TERF1: variants seen among roughly 807,000 people sequenced by gnomAD.
TERF1 encodes the protein telomeric repeat binding factor 1, also known as telomeric repeat-binding factor 1.
A neutral mutation model predicts 55.1 loss-of-function variants in TERF1; 20 were observed. The ratio of observed to expected loss-of-function variants is 0.36; its 90% CI spans 0.26 to 0.53. The LOEUF is 0.53. TERF1 is among the 20% of genes least tolerant of loss of function. The pLI is 0.91. For missense variants in TERF1, 439 were observed against 535.7 expected, an observed-to-expected ratio of 0.82 and a Z score of 1.78; for synonymous variants, 168 against 181.2, an observed-to-expected ratio of 0.93 and a Z score of 0.59.
At chr8:73,035,451 C>A (rs1257155360) in intron 8 of TERF1, among the ~76,000 whole-genome samples, 1 of 151,008 alleles carries the variant, frequency 6.6e-6, no homozygotes, top group African/African-American at 2.4e-5. Flanking sequence ...TGTTTTATGG[C>A]CCACAGTATG....
chr8:73,024,749 AAT>A, intron 4 of TERF1, 71 bp from the exon 5 acceptor site: 2 of 1,077,920 alleles, frequency 1.9e-6, no homozygotes, highest in South Asian at 1.6e-5. Flanking sequence ...TCAATTAAAT[AAT>A]ATGTGACAAA....
intron 2 of TERF1, among the ~76,000 whole-genome samples, chr8:73,018,465 C>G (rs55734946): frequency 0.016 from 2,380 of 152,186 alleles, 59 homozygotes; most frequent in African/African-American, 0.055. Context: ...CACCTGAGGT[C>G]AGGAGTTCGA....
chr8:73,031,808 C>A (rs767251582), intron 7 of TERF1: 1 of 319,696 alleles, frequency 3.1e-6, no homozygotes, highest in Non-Finnish European at 5.7e-6. Context: ...TCTGAGACAT[C>A]AAAAAACATC....
At chr8:73,016,639 G>T (rs1808518322) in intron 2 of TERF1, among the ~76,000 whole-genome samples, 1 of 151,870 alleles carries the variant, frequency 6.6e-6, no homozygotes, top group African/African-American at 2.4e-5. Flanking sequence ...TGTTGTCCAG[G>T]CTGGTCTTGA....
intron 6 of TERF1, among the ~76,000 whole-genome samples, chr8:73,027,263 A>C (rs1809051837): frequency 6.6e-6 from 1 of 152,230 alleles, no homozygotes; most frequent in South Asian, 2.1e-4. Flanking sequence ...AAAATATTAC[A>C]GTTTAAATAA....
At chr8:73,014,998 A>G (rs1047143036) in intron 2 of TERF1, among the ~76,000 whole-genome samples, 1 of 152,266 alleles carries the variant, frequency 6.6e-6, no homozygotes, top group African/African-American at 2.4e-5. Flanking sequence ...TGTTGTTAAC[A>G]GGGTTGTTTT....
At chr8:73,032,002 C>CAA in intron 7 of TERF1, 40 bp from the exon 8 acceptor site, 1 of 1,420,286 alleles carries the variant, frequency 7.0e-7, no homozygotes. Context: ...GCCTTACTAT[C>CAA]TTTCTGGAGC....
intron 1 of TERF1, chr8:73,011,892 T>G (rs1808296336): frequency 6.6e-6 from 1 of 152,228 alleles, no homozygotes; most frequent in African/African-American, 2.4e-5. Flanking sequence ...TTATCATTTA[T>G]GTGTTCAGTG....
intron 9 of TERF1, among the ~76,000 whole-genome samples, chr8:73,040,712 C>T (rs1450905208): frequency 6.6e-6 from 1 of 152,182 alleles, no homozygotes; most frequent in Non-Finnish European, 1.5e-5. Context: ...CCTTCTTCTT[C>T]TGGTGTTCCC....
intron 2 of TERF1, among the ~76,000 whole-genome samples, chr8:73,014,499 TAC>T (rs760443914): frequency 1.6e-4 from 24 of 152,210 alleles, no homozygotes; most frequent in Non-Finnish European, 2.9e-4. Context: ...ACGTAAGAAG[TAC>T]AGTTTATAGC....
At chr8:73,032,290 A>AGAAAGTTAGCTATTTTGACTGG (rs1809322734) in intron 8 of TERF1, among the ~76,000 whole-genome samples, 157 bp downstream of exon 8, 1 of 152,194 alleles carries the variant, frequency 6.6e-6, no homozygotes, top group Non-Finnish European at 1.5e-5. Context: ...TGTTTAATTT[A>AGAAAGTTAGCTATTTTGACTGG]GAAAGTTAGC....
chr8:73,019,992 C>T (rs1447204616), intron 2 of TERF1, among the ~76,000 whole-genome samples: 1 of 152,192 alleles, frequency 6.6e-6, no homozygotes, highest in African/African-American at 2.4e-5. Flanking sequence ...ATTTATTTCT[C>T]ATTAGCATGT....
At chr8:73,017,320 G>C (rs1808553591) in intron 2 of TERF1, among the ~76,000 whole-genome samples, 1 of 152,076 alleles carries the variant, frequency 6.6e-6, no homozygotes, top group Admixed American at 6.6e-5. Flanking sequence ...TACTTTTGAG[G>C]CACAGTAAGT....
At chr8:73,015,312 C>CTTTTTTTTTTTTTTTTTTTTTTTTTTT (rs5892387) in intron 2 of TERF1, among the ~76,000 whole-genome samples, 1 of 131,708 alleles carries the variant, frequency 7.6e-6, no homozygotes. Flanking sequence ...AACCCTTTTG[C>CTTTTTTTTTTTTTTTTTTTTTTTTTTT]TTTTTTTTTT....
chr8:73,038,297 T>C (rs1809689192), intron 8 of TERF1, among the ~76,000 whole-genome samples: 1 of 150,116 alleles, frequency 6.7e-6, no homozygotes, highest in Admixed American at 6.7e-5. Context: ...CAAAAAAATT[T>C]TAAAAAATTA....
At chr8:73,023,048 G>C (rs1045208724) in intron 4 of TERF1, among the ~76,000 whole-genome samples, 1 of 148,224 alleles carries the variant, frequency 6.7e-6, no homozygotes, top group Non-Finnish European at 1.5e-5. Context: ...GTAAATAGTT[G>C]TACTGTTTAG....
At chr8:73,027,819 C>T (rs1239605426) in intron 6 of TERF1, among the ~76,000 whole-genome samples, 1 of 151,998 alleles carries the variant, frequency 6.6e-6, no homozygotes, top group African/African-American at 2.4e-5. Flanking sequence ...TGCAGGGACC[C>T]CATCTTAACT....
chr8:73,026,966 A>G lies in TERF1; in HGVS notation c.801A>G (p.Lys267=). 6.2e-7 allele frequency: 1 copy of G among 1,611,902 alleles called. No individual in the cohort carries two copies. The highest frequency in any genetic ancestry group is 8.5e-7 in the Non-Finnish European group (1 of 1,179,750). ...CAGCGGCAAAAGTAGTAGAAAGCAAAAGGACAAGAACAATAACTTCTCAAG... is the reference window on the plus strand; with the variant it reads ...CAGCGGCAAAAGTAGTAGAAAGCAAGAGGACAAGAACAATAACTTCTCAAG... The part of the protein sequence containing the change: ...MKAAAKVVES[K]RTRTITSQDK... The change falls in exon 6 of 10, where the codon AAA becomes AAG. Residue 267 remains lysine, a synonymous_variant. Coordinates refer to ENST00000276603, the MANE Select transcript of TERF1 (RefSeq NM_017489.3).
At chr8:73,029,768 G>A (rs1809198961) in intron 6 of TERF1, among the ~76,000 whole-genome samples, 1 of 152,182 alleles carries the variant, frequency 6.6e-6, no homozygotes, top group South Asian at 2.1e-4. Context: ...TTGTAGGATG[G>A]TTAAGATTTT....
Sources: allele counts gnomAD v4.1 joint callset (sites outside exome capture counted in the v4.1 genomes callset), GRCh38; gene constraint gnomAD v4.1.1; transcripts MANE v1.5; gene names NCBI Gene and HGNC (gene_info 2026-07-23, HGNC 2026-07-21).